Variants in CREB5 observed in about 807,000 individuals in gnomAD.
CREB5 encodes the protein cAMP responsive element binding protein 5, also known as cyclic AMP-responsive element-binding protein 5.
Under a neutral mutation model 57.1 loss-of-function variants are expected in CREB5, and 19 were observed. That is an observed-to-expected ratio of 0.33 (90% CI 0.23 to 0.49). The LOEUF is 0.49. Ranked by LOEUF, CREB5 falls within the 20% of genes least tolerant of loss-of-function variation. CREB5 has a pLI of 0.99. For missense variants in CREB5, 579 were observed against 671.6 expected (o/e 0.86, Z 1.52); for synonymous variants, 238 against 238.3 (o/e 1.00, Z 0.01).
At chr7:28,752,145 C>G (rs1241572051) in intron 7 of CREB5, among the ~76,000 whole-genome samples, 1 of 152,152 alleles carries the variant, frequency 6.6e-6, no homozygotes, top group Non-Finnish European at 1.5e-5. Flanking sequence ...TCTCCCCTCT[C>G]AAGTTCCTAT....
At chr7:28,772,571 C>T (rs147879943) in intron 7 of CREB5, among the ~76,000 whole-genome samples, 10 of 152,272 alleles carry the variant, frequency 6.6e-5, no homozygotes, top group African/African-American at 2.2e-4. Flanking sequence ...TGAAAAGAAA[C>T]AAGCAAAAAC....
intron 4 of CREB5, among the ~76,000 whole-genome samples, chr7:28,552,496 G>A (rs772644650): frequency 1.3e-5 from 2 of 152,150 alleles, no homozygotes; most frequent in Non-Finnish European, 2.9e-5. Flanking sequence ...TGAGAGAAGG[G>A]TACATCACGG....
At chr7:28,526,890 G>A (rs1230929832) in intron 4 of CREB5, among the ~76,000 whole-genome samples, 1 of 152,196 alleles carries the variant, frequency 6.6e-6, no homozygotes, top group Non-Finnish European at 1.5e-5. Flanking sequence ...GACCCAGGGA[G>A]GTCCTCTATC....
At chr7:28,583,938 G>A (rs756523191) in intron 5 of CREB5, among the ~76,000 whole-genome samples, 10 of 152,020 alleles carry the variant, frequency 6.6e-5, no homozygotes, top group Non-Finnish European at 8.8e-5. Context: ...TCAGCCTCCC[G>A]AAGTGCTGGG....
At chr7:28,706,361 A>T (rs184350440) in intron 5 of CREB5, among the ~76,000 whole-genome samples, 64 of 152,310 alleles carry the variant, frequency 4.2e-4, no homozygotes, top group African/African-American at 1.5e-3. Context: ...CATCTCAAAA[A>T]AAAAAAAATC....
At chr7:28,818,387 T>A (rs1174174120) in intron 10 of CREB5, among the ~76,000 whole-genome samples, 1 of 152,156 alleles carries the variant, frequency 6.6e-6, no homozygotes, top group Non-Finnish European at 1.5e-5. Context: ...CACCTCCTGA[T>A]AATTTCTGGC....
At chr7:28,425,950 TGA>T (rs1242988680) in intron 1 of CREB5, among the ~76,000 whole-genome samples, 1 of 152,216 alleles carries the variant, frequency 6.6e-6, no homozygotes, top group Non-Finnish European at 1.5e-5. Flanking sequence ...CCCATTTCAG[TGA>T]GGGCCACCAC....
At chr7:28,720,602 C>CT (rs1350013330) in intron 6 of CREB5, among the ~76,000 whole-genome samples, 1 of 152,174 alleles carries the variant, frequency 6.6e-6, no homozygotes, top group Non-Finnish European at 1.5e-5. Flanking sequence ...CTTGCCCACC[C>CT]TAAATACTGA....
intron 5 of CREB5, among the ~76,000 whole-genome samples, chr7:28,708,955 G>A (rs187724952): frequency 6.6e-6 from 1 of 152,206 alleles, no homozygotes; most frequent in East Asian, 1.9e-4. Context: ...ATAATCAGAG[G>A]GCTACTTATT....
chr7:28,507,695 G>A lies in CREB5; in HGVS notation c.249G>A (p.Glu83=), dbSNP rs781572047. 2.5e-6 allele frequency: 4 copies of A among 1,611,280 alleles called. No individual in the cohort carries two copies. The Admixed American group carries it at 5.0e-5, about 20-fold the overall frequency. The change falls in exon 4 of 11, where the codon GAG becomes GAA. Residue 83 remains glutamate, a synonymous_variant. Coordinates refer to ENST00000357727, the MANE Select transcript of CREB5 (RefSeq NM_182898.4). ...GLFSELDCSL[E]HEFRKAQEEE... ...TCAGCGAGCTGGACTGCTCCCTGGA[G>A]CACGAGTTCAGGAAGGCTCAGGAAG...
Position 28,299,367 on chromosome 7 carries a change from G to A in CREB5, c.-99G>A, listed in dbSNP as rs193259289. The A allele has an allele frequency of 2.2e-4, 34 of 152,300 alleles. No individual in the cohort carries two copies. In the East Asian group the frequency reaches 5.2e-3, roughly 23 times the overall value. The allele number at this position is 152,300 out of a possible 1,614,324, so 9.4% of individuals were successfully genotyped here. On this transcript the variant is annotated 5_prime_UTR_variant, in exon 1 of 10. Coordinates refer to the CREB5 transcript ENST00000396299. The stretch of plus-strand genomic sequence containing the variant: ...GGAGCAAGAGGCAGATTTTGGACAC[G>A]GTTATGAGAATGACAGAAACTGCCT...
At chr7:28,803,283 A>C (rs1319501596) in intron 7 of CREB5, among the ~76,000 whole-genome samples, 1 of 151,964 alleles carries the variant, frequency 6.6e-6, no homozygotes, top group Non-Finnish European at 1.5e-5. Context: ...AAGGGACCAT[A>C]AGAAAAATCA....
intron 5 of CREB5, among the ~76,000 whole-genome samples, chr7:28,610,561 A>G (rs1351613747): frequency 6.6e-6 from 1 of 152,214 alleles, no homozygotes; most frequent in Non-Finnish European, 1.5e-5. Flanking sequence ...CAAGAACTGC[A>G]TTGACAGGCT....
chr7:28,579,736 A>G (rs1417186575), intron 5 of CREB5, among the ~76,000 whole-genome samples: 4 of 152,200 alleles, frequency 2.6e-5, no homozygotes, highest in African/African-American at 9.7e-5. Flanking sequence ...TTTTTAGTCT[A>G]TGGAATGCAT....
At chr7:28,538,203 C>A (rs10951199) in intron 4 of CREB5, among the ~76,000 whole-genome samples, 40,742 of 151,980 alleles carry the variant, frequency 0.27, 5,876 homozygotes, top group East Asian at 0.55. Flanking sequence ...ACAGACACTC[C>A]CCACCACGCC....
At chr7:28,687,913 A>G (rs1440487236) in intron 5 of CREB5, among the ~76,000 whole-genome samples, 1 of 152,170 alleles carries the variant, frequency 6.6e-6, no homozygotes, top group African/African-American at 2.4e-5. Flanking sequence ...AGAGCAGGAA[A>G]GGGCAAGGTG....
chr7:28,756,562 A>C (rs1290181332), intron 7 of CREB5, among the ~76,000 whole-genome samples: 3 of 151,708 alleles, frequency 2.0e-5, no homozygotes, highest in Non-Finnish European at 4.4e-5. Flanking sequence ...ATCTCCAAAA[A>C]AAAAAAAACA....
intron 4 of CREB5, among the ~76,000 whole-genome samples, chr7:28,551,211 C>T (rs1430731399): frequency 6.6e-6 from 1 of 151,354 alleles, no homozygotes; most frequent in Non-Finnish European, 1.5e-5. Flanking sequence ...CTCACACATA[C>T]ATTGGATTAA....
At chr7:28,588,409 G>A (rs953735990) in intron 5 of CREB5, among the ~76,000 whole-genome samples, 4 of 152,130 alleles carry the variant, frequency 2.6e-5, no homozygotes, top group South Asian at 2.1e-4. Flanking sequence ...TCTCCTAAAC[G>A]CCCAGCATGT....
Sources: gnomAD v4.1 joint callset for allele counts (sites outside exome capture counted in the v4.1 genomes callset) on GRCh38, gnomAD v4.1.1 for gene constraint, MANE v1.5 for transcripts, NCBI Gene and HGNC (gene_info 2026-07-23, HGNC 2026-07-21) for gene names.